The following PRDM5 variants were observed in gnomAD, a reference collection of about 807,000 sequenced individuals.
PRDM5 encodes PR/SET domain 5.
Under a neutral mutation model 81.2 loss-of-function variants are expected in PRDM5, and 56 were observed. The observed-to-expected ratio is 0.69, with a 90% CI of 0.56 to 0.86. PRDM5 has a LOEUF of 0.86. Among genes scored for constraint, PRDM5 ranks in the 40% least tolerant of loss-of-function variants. The probability of loss-of-function intolerance (pLI) is 0.00; values close to 1 mark genes in which losing one functional copy is unlikely to be tolerated. For synonymous variants in PRDM5, 267 were observed against 256.4 expected, an observed-to-expected ratio of 1.04 and a Z score of -0.39; for missense variants, 697 against 770.1, an observed-to-expected ratio of 0.91 and a Z score of 1.12.
rs1268548844 is a variant in PRDM5 at position 120,781,160 on chromosome 4, G to A, written c.1426C>T (p.Leu476Phe). The change falls in exon 12 of 16, where the codon CTT becomes TTT. Residue 476 changes from leucine to phenylalanine, a missense_variant. Around this residue, in one of 3 missense-constraint regions of PRDM5, gnomAD observed 577 missense variants for 606.7 expected, o/e 0.95. Transcript: ENST00000264808. The stretch of plus-strand genomic sequence containing the variant: ...CCACTTACTTTCTTATGACTTCTAA[G>A]CACTGAAGGTGTAACAAAGGCCTTA... ...CNKAFVTPSV[L>F]RSHKKTHTGE... 6.2e-7 allele frequency: 1 copy of A among 1,613,278 alleles called. No homozygotes were observed. The highest frequency in any genetic ancestry group is 8.5e-7 in the Non-Finnish European group (1 of 1,179,486).
At chr4:120,735,850 CT>C (rs1049925429) in intron 14 of PRDM5, among the ~76,000 whole-genome samples, 4 of 152,098 alleles carry the variant, frequency 2.6e-5, no homozygotes, top group African/African-American at 9.7e-5. Flanking sequence ...ATGTCTAATA[CT>C]TTTTAAATAT....
intron 2 of PRDM5, among the ~76,000 whole-genome samples, chr4:120,869,161 TTATC>T (rs1401763532): frequency 6.6e-6 from 1 of 152,190 alleles, no homozygotes; most frequent in African/African-American, 2.4e-5. Context: ...AAAACATTAA[TTATC>T]TAAGCTGCAC....
rs144976789 is a variant in PRDM5, at chr4:120,775,007, A to G, written c.1537+2181T>C. Among the ~76,000 whole-genome samples, 6 of 150,038 alleles carry G rather than the reference A, an allele frequency of 4.0e-5. No homozygotes were observed. In the East Asian group the frequency reaches 1.2e-3, roughly 29 times the overall value. ...GTATATGTGTATATATATATACACAAACACATATATATATAATTTCTTTAT... is the reference window on the plus strand; with the variant it reads ...GTATATGTGTATATATATATACACAGACACATATATATATAATTTCTTTAT... On this transcript the variant is annotated intron_variant, in intron 13 of 15. Coordinates refer to ENST00000264808, the MANE Select transcript of PRDM5 (RefSeq NM_018699.4).
intron 3 of PRDM5, among the ~76,000 whole-genome samples, chr4:120,845,300 C>A (rs1468708072): frequency 6.6e-6 from 1 of 152,110 alleles, no homozygotes; most frequent in Non-Finnish European, 1.5e-5. Flanking sequence ...ATTTTCATGG[C>A]GAGAGAGGAG....
intron 13 of PRDM5, among the ~76,000 whole-genome samples, chr4:120,756,830 A>C (rs1744814308): frequency 6.6e-6 from 1 of 152,210 alleles, no homozygotes; most frequent in African/African-American, 2.4e-5. Flanking sequence ...AAATCCATCA[A>C]CATATCAAAT....
At position 120,806,113 on chromosome 4, in the gene PRDM5, A is replaced by G. The variant is rs547563677; in HGVS notation, c.945+5257T>C. On this transcript the variant is annotated intron_variant, in intron 8 of 15. Transcript: ENST00000264808. ...CCCATTCACAATTGCTTCAAAGAGA[A>G]TAAAATACCTAGGAATCCAACTTAC... 8.5e-5 allele frequency among the ~76,000 whole-genome samples: 13 copies of G among 152,322 alleles called. 1 individual carries two copies. Among genetic ancestry groups the G allele is most frequent in the Admixed American group, 7.2e-4 (11 of 15,306 alleles).
intron 2 of PRDM5, among the ~76,000 whole-genome samples, chr4:120,863,156 TAAA>T (rs66499146): frequency 1.2e-4 from 5 of 40,132 alleles, no homozygotes; most frequent in African/African-American, 5.8e-4. Context: ...AGACTCTGTC[TAAA>T]AAAAAAAAAA....
chr4:120,745,738 C>T (rs1219173881), intron 14 of PRDM5, among the ~76,000 whole-genome samples: 1 of 142,892 alleles, frequency 7.0e-6, no homozygotes, highest in Non-Finnish European at 1.5e-5. Context: ...ATGTGAAGGA[C>T]CTCTTCAAGG....
chr4:120,757,952 A>G (rs1279218849), intron 13 of PRDM5, among the ~76,000 whole-genome samples: 1 of 151,022 alleles, frequency 6.6e-6, no homozygotes, highest in African/African-American at 2.4e-5. Flanking sequence ...ATCTGAGATG[A>G]CATCCATCTT....
At chr4:120,752,438 A>C (rs1744146856) in intron 14 of PRDM5, among the ~76,000 whole-genome samples, 1 of 152,166 alleles carries the variant, frequency 6.6e-6, no homozygotes, top group Admixed American at 6.5e-5. Context: ...TCTGGTCTAT[A>C]AACTCTCTTG....
At chr4:120,880,239 A>T (rs991054939) in intron 2 of PRDM5, among the ~76,000 whole-genome samples, 1 of 152,176 alleles carries the variant, frequency 6.6e-6, no homozygotes, top group Non-Finnish European at 1.5e-5. Context: ...ATCAACTGCT[A>T]AATGTCACAA....
At chr4:120,877,005 G>C (rs1762390372) in intron 2 of PRDM5, among the ~76,000 whole-genome samples, 1 of 152,018 alleles carries the variant, frequency 6.6e-6, no homozygotes, top group African/African-American at 2.4e-5. Context: ...AACCTATCCA[G>C]AAAAATCTTA....
intron 14 of PRDM5, among the ~76,000 whole-genome samples, chr4:120,742,479 C>G (rs1488706231): frequency 6.6e-6 from 1 of 152,162 alleles, no homozygotes; most frequent in Non-Finnish European, 1.5e-5. Flanking sequence ...TCAAATTACT[C>G]TGAGCTACAG....
chr4:120,807,500 G>T (rs1388318751), intron 8 of PRDM5, among the ~76,000 whole-genome samples: 1 of 152,174 alleles, frequency 6.6e-6, no homozygotes, highest in African/African-American at 2.4e-5. Context: ...AGAAAATGTG[G>T]CACACATACA....
intron 7 of PRDM5, among the ~76,000 whole-genome samples, chr4:120,815,277 C>T (rs1475764971): frequency 6.6e-6 from 1 of 152,180 alleles, no homozygotes; most frequent in African/African-American, 2.4e-5. Context: ...CCCCAGTATA[C>T]TGAATTCAGA....
In PRDM5 at chr4:120,865,948, G is replaced by T. The variant is rs147927813; in HGVS notation, c.178-12408C>A. Among the ~76,000 whole-genome samples the T allele has an allele frequency of 2.6e-5, 4 of 151,748 alleles. No individual in the cohort carries two copies. The South Asian group carries it at 8.4e-4, about 32-fold the overall frequency. On this transcript the variant is annotated intron_variant, in intron 2 of 15. Transcript: ENST00000264808. Reference sequence around the variant, plus strand: ...TGTCAAGAAAAACTCTTAGATTTGGGGCATGTTATGACAATCAATGATCCA... The same window carrying T: ...TGTCAAGAAAAACTCTTAGATTTGGTGCATGTTATGACAATCAATGATCCA...
intron 3 of PRDM5, among the ~76,000 whole-genome samples, chr4:120,826,110 T>C (rs185334491): frequency 6.2e-4 from 95 of 152,220 alleles, no homozygotes; most frequent in African/African-American, 2.1e-3. Flanking sequence ...GGACCAGTCA[T>C]ATTCCCAGAG....
chr4:120,755,653 G>T (rs2149158763), intron 13 of PRDM5, among the ~76,000 whole-genome samples: 2 of 152,226 alleles, frequency 1.3e-5, no homozygotes, highest in South Asian at 4.2e-4. Context: ...AATGCCCCTT[G>T]TTGCTTGATC....
intron 15 of PRDM5, among the ~76,000 whole-genome samples, chr4:120,700,756 A>G (rs1328520232): frequency 6.6e-6 from 1 of 152,218 alleles, no homozygotes; most frequent in East Asian, 1.9e-4. Context: ...AAAAATGCTC[A>G]TAATCACTGA....
Sources: gnomAD v4.1 joint callset for allele counts (sites outside exome capture counted in the v4.1 genomes callset) on GRCh38, gnomAD v4.1.1 for gene constraint, gnomAD v4.1.1 regional missense constraint, MANE v1.5 for transcripts, NCBI Gene and HGNC (gene_info 2026-07-23, HGNC 2026-07-21) for gene names.